Variants in CNTNAP2 observed in about 807,000 individuals in gnomAD.
CNTNAP2 encodes the protein contactin associated protein 2.
CNTNAP2 carries 98 observed loss-of-function variants against 155.2 expected under a neutral mutation model. The ratio of observed to expected loss-of-function variants is 0.63; its 90% CI spans 0.54 to 0.75. CNTNAP2 has a LOEUF of 0.75. Among genes scored for constraint, CNTNAP2 ranks in the 30% least tolerant of loss-of-function variants. CNTNAP2 has a pLI of 0.00. For synonymous variants in CNTNAP2, 651 were observed against 631.2 expected (o/e 1.03, Z -0.47); for missense variants, 1,727 against 1,688.1 (o/e 1.02, Z -0.40).
rs534764655 is a variant in CNTNAP2, at chr7:147,350,700, T to C, written c.1499-44909T>C. On this transcript the variant is annotated intron_variant, in intron 9 of 23. Transcript: ENST00000361727. Reference sequence around the variant, plus strand: ...CCTATTGTATAAAATATGCATTCAGTAGAGAAAACAATATACTGCAGACAT... The same window carrying C: ...CCTATTGTATAAAATATGCATTCAGCAGAGAAAACAATATACTGCAGACAT... Among the ~76,000 whole-genome samples, 8 of 151,884 alleles carry C rather than the reference T, an allele frequency of 5.3e-5. No homozygotes were observed. In the South Asian group the frequency reaches 1.7e-3, roughly 32 times the overall value.
chr7:146,171,052 A>G (rs943532916), intron 1 of CNTNAP2, among the ~76,000 whole-genome samples: 3 of 152,064 alleles, frequency 2.0e-5, no homozygotes, highest in Non-Finnish European at 2.9e-5. Context: ...ATAAATAAAT[A>G]AGAGTTATTC....
intron 11 of CNTNAP2, among the ~76,000 whole-genome samples, chr7:147,544,199 A>G (rs1471503615): frequency 1.3e-5 from 2 of 152,298 alleles, no homozygotes; most frequent in Non-Finnish European, 2.9e-5. Context: ...TGTTCTCCAC[A>G]TACTAAATTG....
Position 148,130,039 on chromosome 7 carries a change from G to A in CNTNAP2, c.2554+11751G>A, listed in dbSNP as rs555279710. Among the ~76,000 whole-genome samples, 8 of 152,328 alleles carry A rather than the reference G, an allele frequency of 5.3e-5. No homozygotes were observed. In the South Asian group the frequency reaches 1.7e-3, roughly 32 times the overall value. On this transcript the variant is annotated intron_variant, in intron 16 of 23. Transcript: ENST00000361727. ...CCTAATTGTAAATGCTAACTAAGGA[G>A]CCATCAGAATGGCCCACGATACCTC...
Position 148,153,329 on chromosome 7 carries a change from G to A in CNTNAP2, c.2773+5620G>A, listed in dbSNP as rs997533975. Among the ~76,000 whole-genome samples the A allele has an allele frequency of 6.6e-5, 10 of 151,896 alleles. 1 individual carries two copies. The highest frequency in any genetic ancestry group is 2.4e-4 in the African/African-American group (10 of 41,438). On this transcript the variant is annotated intron_variant, in intron 17 of 23. Coordinates refer to ENST00000361727, the MANE Select transcript of CNTNAP2 (RefSeq NM_014141.6). ...TGTCATCCCAAAAGGGTTAACACAG[G>A]TCTTTTGGAAGTTGTAAGAATCCAG... is the stretch of plus-strand genomic sequence containing the variant.
chr7:146,688,194 C>G (rs1453987900), intron 1 of CNTNAP2, among the ~76,000 whole-genome samples: 4 of 152,022 alleles, frequency 2.6e-5, no homozygotes, highest in African/African-American at 9.7e-5. Flanking sequence ...AAATAATACT[C>G]AAATCATTGT....
At chr7:146,996,044 T>C (rs751101071) in intron 3 of CNTNAP2, among the ~76,000 whole-genome samples, 2 of 152,072 alleles carry the variant, frequency 1.3e-5, no homozygotes, top group Non-Finnish European at 2.9e-5. Context: ...GTTTTGCATC[T>C]TATGTTTAAG....
intron 1 of CNTNAP2, among the ~76,000 whole-genome samples, chr7:146,280,198 A>G (rs1376019001): frequency 2.0e-5 from 3 of 152,176 alleles, no homozygotes; most frequent in Admixed American, 6.5e-5. Flanking sequence ...AAACTCCAAA[A>G]TTCAGCTAAA....
chr7:146,902,238 T>C (rs1170047219), intron 3 of CNTNAP2, among the ~76,000 whole-genome samples: 1 of 152,136 alleles, frequency 6.6e-6, no homozygotes, highest in Non-Finnish European at 1.5e-5. Flanking sequence ...GCAGTGAGTG[T>C]AGGGGAGATT....
intron 1 of CNTNAP2, among the ~76,000 whole-genome samples, chr7:146,485,790 T>A (rs1195725215): frequency 6.6e-6 from 1 of 151,806 alleles, no homozygotes; most frequent in African/African-American, 2.4e-5. Flanking sequence ...GATGAAATAA[T>A]CTGTACAAAA....
intron 21 of CNTNAP2, among the ~76,000 whole-genome samples, chr7:148,298,590 G>T (rs1797326488): frequency 6.6e-6 from 1 of 152,080 alleles, no homozygotes; most frequent in Non-Finnish European, 1.5e-5. Flanking sequence ...CACCCTCACA[G>T]ACACACCCAG....
intron 1 of CNTNAP2, among the ~76,000 whole-genome samples, chr7:146,161,608 A>G (rs530467215): frequency 7.9e-5 from 12 of 152,348 alleles, no homozygotes; most frequent in African/African-American, 2.2e-4. Flanking sequence ...TATAGATTCA[A>G]TGGCATCACC....
At position 146,422,359 on chromosome 7, in the gene CNTNAP2, G is replaced by GTATATATATATATATA. The variant is rs971506491; in HGVS notation, c.97+305399_97+305400insATATATATATATATAT. On this transcript the variant is annotated intron_variant, in intron 1 of 23. Transcript: ENST00000361727. Reference sequence around the variant, plus strand: ...TACATATATGTATGTGTATATATATGTATATATATATATGTTAGCCATTTA... The same window carrying GTATATATATATATATA: ...TACATATATGTATGTGTATATATATGTATATATATATATATATATATATATATATGTTAGCCATTTA... Among the ~76,000 whole-genome samples, 151 of 148,146 alleles carry GTATATATATATATATA rather than the reference G, an allele frequency of 1.0e-3. 1 individual carries two copies. Among genetic ancestry groups the GTATATATATATATATA allele is most frequent in the African/African-American group, 3.5e-3 (142 of 40,270 alleles).
At chr7:148,249,806 T>C (rs555554396) in intron 20 of CNTNAP2, among the ~76,000 whole-genome samples, 1 of 152,324 alleles carries the variant, frequency 6.6e-6, no homozygotes, top group East Asian at 1.9e-4. Flanking sequence ...GGTTCTACCC[T>C]GAAAACATCC....
chr7:146,754,965 G>C (rs1045725407), intron 1 of CNTNAP2, among the ~76,000 whole-genome samples: 3 of 151,862 alleles, frequency 2.0e-5, no homozygotes, highest in Admixed American at 6.6e-5. Flanking sequence ...GAGAAAACCT[G>C]CTTCAAATTT....
At chr7:146,875,812 ACAG>A (rs1289564468) in intron 3 of CNTNAP2, among the ~76,000 whole-genome samples, 1 of 151,406 alleles carries the variant, frequency 6.6e-6, no homozygotes, top group Non-Finnish European at 1.5e-5. Context: ...TTGGGAGGTT[ACAG>A]CAGAAGGGTC....
At position 147,903,721 on chromosome 7, in the gene CNTNAP2, G is replaced by A. The variant is rs781114450; in HGVS notation, c.2255G>A (p.Trp752Ter). ...AACTGCGACGCGGACTACAAGCAAT[G>A]GTGAGTGCCTGCGGGCAGCACAGCC... ...YCNCDADYKQ[W>*]RKDAGFLSYK... The change falls in exon 14 of 24, where the codon TGG becomes TAG. Residue 752 changes from tryptophan to a stop codon, truncating the protein, a stop_gained and splice_region_variant. Transcript: ENST00000361727. LOFTEE classifies it high-confidence loss of function. 1 of 1,613,526 alleles carries A rather than the reference G, an allele frequency of 6.2e-7. No individual in the cohort carries two copies. Among genetic ancestry groups the A allele is most frequent in the African/African-American group, 1.3e-5 (1 of 75,030 alleles).
chr7:146,942,652 A>G (rs1393002108), intron 3 of CNTNAP2, among the ~76,000 whole-genome samples: 1 of 152,170 alleles, frequency 6.6e-6, no homozygotes, highest in Non-Finnish European at 1.5e-5. Context: ...GGAGTGGCCA[A>G]TGAAAAACAA....
intron 13 of CNTNAP2, among the ~76,000 whole-genome samples, chr7:147,689,352 G>C (rs181254445): frequency 6.6e-6 from 1 of 152,004 alleles, no homozygotes; most frequent in Admixed American, 6.6e-5. Context: ...GTTTCACCAA[G>C]TTGGCCAGGC....
At chr7:148,239,353 G>A (rs1446850215) in intron 20 of CNTNAP2, among the ~76,000 whole-genome samples, 1 of 152,192 alleles carries the variant, frequency 6.6e-6, no homozygotes, top group Non-Finnish European at 1.5e-5. Flanking sequence ...ATTAGTTTCT[G>A]ATAGTATTAC....
Sources: gnomAD v4.1 joint callset for allele counts (sites outside exome capture counted in the v4.1 genomes callset) on GRCh38, gnomAD v4.1.1 for gene constraint, MANE v1.5 for transcripts, NCBI Gene and HGNC (gene_info 2026-07-23, HGNC 2026-07-21) for gene names.